The following CSMD1 variants were observed in gnomAD, a reference collection of about 807,000 sequenced individuals.
CSMD1 encodes the protein CUB and sushi domain-containing protein 1.
A neutral mutation model predicts 417.5 loss-of-function variants in CSMD1; 213 were observed. The observed-to-expected ratio is 0.51, with a 90% CI of 0.46 to 0.57. The LOEUF is 0.57. CSMD1 is among the 20% of genes least tolerant of loss of function. The pLI, the probability that CSMD1 is intolerant of heterozygous loss-of-function variation, is 0.00. For missense variants in CSMD1, 6,923 were observed against 4,529.7 expected, an observed-to-expected ratio of 1.53 and a Z score of -15.17; for synonymous variants, 2,862 against 1,736.8, an observed-to-expected ratio of 1.65 and a Z score of -16.11.
chr8:3,261,847 G>T (rs1164285779), intron 26 of CSMD1, among the ~76,000 whole-genome samples: 1 of 152,074 alleles, frequency 6.6e-6, no homozygotes, highest in Non-Finnish European at 1.5e-5. Flanking sequence ...GATTACGAAG[G>T]CATGCGGGCC....
intron 3 of CSMD1, among the ~76,000 whole-genome samples, chr8:4,293,101 C>T (rs906931961): frequency 6.6e-5 from 10 of 152,114 alleles, no homozygotes; most frequent in Admixed American, 1.3e-4. Context: ...GCGGAAACAG[C>T]AGGAGGGGGC....
At chr8:3,740,983 G>A (rs575240752) in intron 6 of CSMD1, among the ~76,000 whole-genome samples, 9 of 152,062 alleles carry the variant, frequency 5.9e-5, no homozygotes, top group East Asian at 1.9e-4. Flanking sequence ...TGGAGGCCAA[G>A]GTGGACGGAT....
At chr8:4,816,859 C>A (rs2028224) in intron 1 of CSMD1, among the ~76,000 whole-genome samples, 1 of 152,072 alleles carries the variant, frequency 6.6e-6, no homozygotes, top group Non-Finnish European at 1.5e-5. Flanking sequence ...GGAAGCAAGT[C>A]ATATGGGGGT....
At position 3,468,839 on chromosome 8, in the gene CSMD1, A is replaced by T; in HGVS notation, c.1449-15T>A. 1 of 1,551,366 alleles carries T rather than the reference A, an allele frequency of 6.4e-7. No individual in the cohort carries two copies. The highest frequency in any genetic ancestry group is 8.8e-7 in the Non-Finnish European group (1 of 1,141,478). On this transcript the variant is annotated splice_polypyrimidine_tract_variant and intron_variant, in intron 11 of 69. Transcript: ENST00000635120. ...ATCCCGTGAGCCTGCAAGAAAGAGA[A>T]ATGTCAAAGCTTTTAGGTAAGGCAA...
At chr8:4,589,095 A>T (rs1178223845) in intron 2 of CSMD1, among the ~76,000 whole-genome samples, 7 of 152,136 alleles carry the variant, frequency 4.6e-5, no homozygotes, top group East Asian at 1.9e-4. Flanking sequence ...TTGTCCTTAG[A>T]CTATCTTTAA....
At chr8:3,439,309 A>ATATATATATATATATATATATATTT in intron 12 of CSMD1, among the ~76,000 whole-genome samples, 15 of 62,410 alleles carry the variant, frequency 2.4e-4, no homozygotes, top group African/African-American at 4.7e-4. Flanking sequence ...ATATATATAT[A>ATATATATATATATATATATATATTT]TTTTTTTTTT....
intron 2 of CSMD1, among the ~76,000 whole-genome samples, chr8:4,615,574 G>C (rs975870486): frequency 6.6e-6 from 1 of 152,146 alleles, no homozygotes; most frequent in African/African-American, 2.4e-5. Context: ...TTCATACTAT[G>C]AGGATAAACA....
Position 3,406,157 on chromosome 8 carries a change from C to A in CSMD1, c.2136G>T (p.Arg712Ser). The stretch of plus-strand genomic sequence containing the variant: ...AAGAAACCGAGCTCCCGAGTAGAAA[C>A]CTGTCACCAAAACGTCGTCCGTTTA... ...IPINGRRFGD[R>S]FLLGSSVSFH... is the part of the protein sequence containing the mutation. The change falls in exon 15 of 70, where the codon AGG becomes AGT. Residue 712 changes from arginine (R) to serine (S), a missense_variant. Transcript: ENST00000635120. The A allele has an allele frequency of 6.2e-7, 1 of 1,613,620 alleles. No homozygotes were observed. Among genetic ancestry groups the A allele is most frequent in the Non-Finnish European group, 8.5e-7 (1 of 1,179,772 alleles).
intron 3 of CSMD1, among the ~76,000 whole-genome samples, chr8:4,152,524 C>CAA (rs11460992): frequency 0.042 from 5,913 of 139,352 alleles, 392 homozygotes; most frequent in African/African-American, 0.14. Context: ...CAGAGAGTAC[C>CAA]AAAAAAAAAA....
At chr8:4,128,561 C>G (rs926276091) in intron 3 of CSMD1, among the ~76,000 whole-genome samples, 1 of 152,186 alleles carries the variant, frequency 6.6e-6, no homozygotes, top group Non-Finnish European at 1.5e-5. Context: ...TAACACATCT[C>G]ATCTCTTTTA....
At chr8:4,091,954 G>A (rs1193098821) in intron 3 of CSMD1, among the ~76,000 whole-genome samples, 2 of 152,136 alleles carry the variant, frequency 1.3e-5, no homozygotes, top group African/African-American at 4.8e-5. Context: ...GAGGAAAAGG[G>A]ACTCACGTAA....
At chr8:4,377,189 C>T (rs1313253232) in intron 3 of CSMD1, among the ~76,000 whole-genome samples, 3 of 152,132 alleles carry the variant, frequency 2.0e-5, no homozygotes. Context: ...ATTGATTACA[C>T]ATCTTTTGGA....
intron 1 of CSMD1, among the ~76,000 whole-genome samples, chr8:4,948,229 A>G (rs1475315645): frequency 6.6e-6 from 1 of 152,080 alleles, no homozygotes; most frequent in African/African-American, 2.4e-5. Context: ...TAGGTATCAA[A>G]TAGTATCAAG....
At position 3,524,645 on chromosome 8, in the gene CSMD1, GCACA is replaced by G. The variant is rs372692894; in HGVS notation, c.1345-30923_1345-30920del. Among the ~76,000 whole-genome samples the G allele has an allele frequency of 4.2e-5, 6 of 143,906 alleles. No individual in the cohort carries two copies. In the South Asian group the frequency reaches 1.3e-3, roughly 32 times the overall value. The allele number at this position is 143,906 out of a possible 152,430, so 94.4% of individuals were successfully genotyped here. A position where few individuals can be genotyped will look rare whatever the true frequency, so the allele number is the denominator to read the frequency against. On this transcript the variant is annotated intron_variant, in intron 10 of 69. Transcript: ENST00000635120. ...CACATGCACACCCAGAGAGACATGT[GCACA>G]CACACAGACCCATGCAAAAACACAT... is the stretch of plus-strand genomic sequence containing the variant.
intron 47 of CSMD1, among the ~76,000 whole-genome samples, chr8:3,096,537 A>G (rs1585337628): frequency 1.3e-5 from 2 of 152,080 alleles, no homozygotes; most frequent in Admixed American, 6.6e-5. Flanking sequence ...GCCTTCCTCC[A>G]TGATTGTGAG....
intron 2 of CSMD1, among the ~76,000 whole-genome samples, chr8:4,600,498 A>G (rs765203467): frequency 1.3e-5 from 2 of 152,232 alleles, no homozygotes; most frequent in African/African-American, 4.8e-5. Context: ...TAGGCTAAAT[A>G]AATATATACA....
chr8:4,066,239 G>A, intron 3 of CSMD1, among the ~76,000 whole-genome samples: 1 of 152,110 alleles, frequency 6.6e-6, no homozygotes, highest in South Asian at 2.1e-4. Context: ...TTCCTTCTTT[G>A]TCTCCTGTTC....
At chr8:4,596,225 TA>T (rs951958870) in intron 2 of CSMD1, among the ~76,000 whole-genome samples, 1 of 151,904 alleles carries the variant, frequency 6.6e-6, no homozygotes, top group Non-Finnish European at 1.5e-5. Flanking sequence ...CTTGATAGGT[TA>T]AAAAAAATCA....
rs556576775 is a variant in CSMD1 at position 3,108,634 on chromosome 8, T to A, written c.6723A>T (p.Ser2241=). 5 of 1,613,806 alleles carry A rather than the reference T, an allele frequency of 3.1e-6. No homozygotes were observed. The African/African-American group carries it at 5.3e-5, about 17-fold the overall frequency. Residue 2241 remains serine, a synonymous_variant, in exon 44 of 70, where the codon TCA becomes TCT. Transcript: ENST00000635120. ...QVLLKFHSDF[S]NGGFFVLNFH... is the part of the protein sequence containing the mutation. ...AATTGAGGACAAAGAAGCCTCCATT[T>A]GAAAAGTCGCTGTGGAACTTGAGCA... is the stretch of plus-strand genomic sequence containing the variant.
Sources: allele counts gnomAD v4.1 joint callset (sites outside exome capture counted in the v4.1 genomes callset), GRCh38; gene constraint gnomAD v4.1.1; transcripts MANE v1.5; gene names NCBI Gene and HGNC (gene_info 2026-07-23, HGNC 2026-07-21).